Variants in RNF17 observed in about 807,000 individuals in gnomAD.
The protein encoded by RNF17 is ring finger protein 17, also known as spermatogenesis associated 23.
Under a neutral mutation model 200.5 loss-of-function variants are expected in RNF17, and 31 were observed. The ratio of observed to expected loss-of-function variants is 0.15; its 90% CI spans 0.12 to 0.21. The LOEUF (loss-of-function observed/expected upper bound fraction) is 0.21. Among genes scored for constraint, RNF17 ranks in the 10% least tolerant of loss-of-function variants. The pLI is 1.00. For missense variants in RNF17, 1,628 were observed against 1,905.1 expected (o/e 0.85, Z 2.71); for synonymous variants, 606 against 637.8 (o/e 0.95, Z 0.75).
the RNF17 span, among the ~76,000 whole-genome samples, chr13:24,756,086 A>G: frequency 2.0e-5 from 3 of 152,190 alleles, no homozygotes; most frequent in Admixed American, 6.5e-5. Context: ...TTAAATAAGT[A>G]TCTTCTCTCT....
intron 6 of RNF17, among the ~76,000 whole-genome samples, chr13:24,782,318 A>G (rs527309316): frequency 2.6e-5 from 4 of 151,696 alleles, no homozygotes; most frequent in Admixed American, 2.6e-4. Context: ...TGGAACTACA[A>G]GCCCACACCA....
At chr13:24,874,325 C>T in intron 33 of RNF17, 76 bp downstream of exon 33, 2 of 1,305,996 alleles carry the variant, frequency 1.5e-6, no homozygotes, top group Non-Finnish European at 2.1e-6. Context: ...ATATTTTTGC[C>T]TCTTTTAAAA....
At chr13:24,767,955 T>G (rs1265213872) in intron 2 of RNF17, among the ~76,000 whole-genome samples, 2 of 152,178 alleles carry the variant, frequency 1.3e-5, no homozygotes, top group African/African-American at 4.8e-5. Flanking sequence ...TTTGTTTATT[T>G]TAATGGTGTA....
chr13:24,882,793 G>A (rs932581914), downstream of RNF17: 2 of 211,996 alleles, frequency 9.4e-6, no homozygotes, highest in Non-Finnish European at 1.9e-5. Flanking sequence ...TACTCCTTGA[G>A]TACACCTTCT....
chr13:24,797,869 A>G (rs1884795908), intron 11 of RNF17, among the ~76,000 whole-genome samples: 1 of 152,058 alleles, frequency 6.6e-6, no homozygotes, highest in Non-Finnish European at 1.5e-5. Flanking sequence ...ATAAATAAAT[A>G]TATATTATCA....
chr13:24,812,683 CCT>C lies in RNF17; in HGVS notation c.2091+8255_2091+8256del, dbSNP rs1566168404. Among the ~76,000 whole-genome samples the C allele has an allele frequency of 1.8e-4, 15 of 84,510 alleles. 1 individual carries two copies. Among genetic ancestry groups the C allele is most frequent in the African/African-American group, 3.3e-4 (7 of 21,274 alleles). The allele number at this position is 84,510 out of a possible 152,430, so 55.4% of individuals were successfully genotyped here. ...GGCTCCTCCCCTCCCCGCCCCACCCCCTTTTTTTTTTTTTTTGAGACGCAGTC... is the reference window on the plus strand; with the variant it reads ...GGCTCCTCCCCTCCCCGCCCCACCCCTTTTTTTTTTTTTTGAGACGCAGTC... On this transcript the variant is annotated intron_variant, in intron 15 of 35. Transcript: ENST00000255324.
chr13:24,842,241 C>T, intron 19 of RNF17, 80 bp downstream of exon 19: 5 of 1,261,008 alleles, frequency 4.0e-6, no homozygotes, highest in Non-Finnish European at 5.5e-6. Flanking sequence ...ACTGGCATAT[C>T]ATTCCCCATT....
At chr13:24,867,454 C>A (rs975004997) in intron 30 of RNF17, among the ~76,000 whole-genome samples, 1 of 152,068 alleles carries the variant, frequency 6.6e-6, no homozygotes, top group Admixed American at 6.5e-5. Flanking sequence ...AGTACATAAA[C>A]CTTTGTAATT....
intron 24 of RNF17, among the ~76,000 whole-genome samples, chr13:24,852,786 G>T (rs1240046529): frequency 6.6e-6 from 1 of 152,204 alleles, no homozygotes; most frequent in Admixed American, 6.5e-5. Context: ...TCTGCTACCA[G>T]TTGTAATGTT....
chr13:24,758,424 A>G, the RNF17 span, among the ~76,000 whole-genome samples: 13 of 152,176 alleles, frequency 8.5e-5, no homozygotes, highest in Non-Finnish European at 1.5e-5. Flanking sequence ...GGATATCTGA[A>G]AAACATATAT....
intron 6 of RNF17, among the ~76,000 whole-genome samples, chr13:24,782,911 A>C (rs1882617154): frequency 6.6e-6 from 1 of 152,130 alleles, no homozygotes; most frequent in South Asian, 2.1e-4. Flanking sequence ...AATTTTATGA[A>C]GTCCAGTTTA....
intron 15 of RNF17, among the ~76,000 whole-genome samples, chr13:24,815,695 A>C (rs928881760): frequency 6.6e-6 from 1 of 152,168 alleles, no homozygotes; most frequent in East Asian, 1.9e-4. Context: ...GTATGATATT[A>C]TCTGTGAGTT....
downstream of RNF17, among the ~76,000 whole-genome samples, chr13:24,881,943 TATAG>T (rs1212617216): frequency 5.0e-4 from 8 of 15,980 alleles, no homozygotes; most frequent in Admixed American, 9.9e-4. Context: ...GATACATCTA[TATAG>T]ATATATAGAT....
At chr13:24,806,874 C>T (rs1282770109) in intron 15 of RNF17, among the ~76,000 whole-genome samples, 3 of 148,990 alleles carry the variant, frequency 2.0e-5, no homozygotes, top group Non-Finnish European at 4.4e-5. Context: ...GTTCAATTCC[C>T]ACCTATGAGT....
chr13:24,876,735 T>C (rs1012435805), intron 33 of RNF17, among the ~76,000 whole-genome samples: 6 of 152,112 alleles, frequency 3.9e-5, no homozygotes, highest in Non-Finnish European at 5.9e-5. Context: ...GTAATGTCCG[T>C]GTTTATGTGT....
At chr13:24,750,931 T>A in the RNF17 span, 3 of 152,242 alleles carry the variant, frequency 2.0e-5, no homozygotes, top group African/African-American at 7.2e-5. Flanking sequence ...CTTTCCTTTA[T>A]CTGATGCTGT....
chr13:24,878,001 T>TG (rs556157539), intron 34 of RNF17, among the ~76,000 whole-genome samples: 108 of 152,338 alleles, frequency 7.1e-4, no homozygotes, highest in Middle Eastern at 6.8e-3. Flanking sequence ...CTAGGAATCC[T>TG]GGGTCTCCCC....
In RNF17 at chr13:24,877,275, C is replaced by T. The variant is rs75457401; in HGVS notation, c.4773+89C>T. ...TTTGTTTCTATGCAGCGTCTACATG[C>T]GAGAGTATACTAAAGCATATACAGC... On this transcript the variant is annotated intron_variant, in intron 34 of 35. Transcript: ENST00000255324. 339 of 1,011,158 alleles carry T rather than the reference C, an allele frequency of 3.4e-4. 1 individual carries two copies. In the African/African-American group the frequency reaches 4.4e-3, roughly 13 times the overall value. 62.6% of individuals were successfully genotyped at this position (1,011,158 alleles called of 1,614,324 possible).
chr13:24,808,115 A>C (rs1886122326), intron 15 of RNF17, among the ~76,000 whole-genome samples: 1 of 151,344 alleles, frequency 6.6e-6, no homozygotes, highest in South Asian at 2.1e-4. Context: ...CTTAGGATTG[A>C]CTTGGCAATG....
Sources: allele counts gnomAD v4.1 joint callset (sites outside exome capture counted in the v4.1 genomes callset), GRCh38; gene constraint gnomAD v4.1.1; transcripts MANE v1.5; gene names NCBI Gene and HGNC (gene_info 2026-07-23, HGNC 2026-07-21).